Variants in PELI2 observed in about 807,000 individuals in gnomAD.
PELI2 encodes E3 ubiquitin-protein ligase pellino homolog 2.
PELI2 carries 23 observed loss-of-function variants against 42.3 expected under a neutral mutation model. The observed-to-expected ratio is 0.54, with a 90% CI of 0.39 to 0.77. The LOEUF is 0.77. PELI2 is among the 30% of genes least tolerant of loss of function. The probability of loss-of-function intolerance (pLI) is 0.00; values close to 1 mark genes in which losing one functional copy is unlikely to be tolerated. For synonymous variants in PELI2, 245 were observed against 212.2 expected, an observed-to-expected ratio of 1.15 and a Z score of -1.34; for missense variants, 463 against 553.2, an observed-to-expected ratio of 0.84 and a Z score of 1.64.
intron 1 of PELI2, among the ~76,000 whole-genome samples, chr14:56,149,183 C>G (rs1045679066): frequency 4.6e-5 from 7 of 152,176 alleles, no homozygotes; most frequent in Non-Finnish European, 1.0e-4. Context: ...ATAAAACATT[C>G]TAACCAGGGT....
intron 2 of PELI2, among the ~76,000 whole-genome samples, chr14:56,262,785 G>A (rs775357944): frequency 8.2e-5 from 12 of 146,486 alleles, no homozygotes; most frequent in Admixed American, 3.4e-4. Context: ...TGCTGTCACT[G>A]CATTGATTCT....
At chr14:56,131,165 C>T (rs188005534) in intron 1 of PELI2, among the ~76,000 whole-genome samples, 2 of 152,308 alleles carry the variant, frequency 1.3e-5, no homozygotes, top group Admixed American at 1.3e-4. Context: ...CTTGGTTTAG[C>T]TAATCCAAAA....
At chr14:56,278,340 G>C (rs766903133) in intron 2 of PELI2, among the ~76,000 whole-genome samples, 30 of 152,080 alleles carry the variant, frequency 2.0e-4, no homozygotes, top group Admixed American at 3.3e-4. Context: ...ATTGTGAAAT[G>C]ATTACCACAA....
At chr14:56,255,524 A>G (rs1204717905) in intron 2 of PELI2, among the ~76,000 whole-genome samples, 3 of 152,130 alleles carry the variant, frequency 2.0e-5, no homozygotes, top group African/African-American at 7.2e-5. Flanking sequence ...TAGGAGAAAT[A>G]CCTAATGTAG....
At chr14:56,161,605 G>A (rs548039973) in intron 1 of PELI2, among the ~76,000 whole-genome samples, 14 of 152,220 alleles carry the variant, frequency 9.2e-5, no homozygotes, top group Non-Finnish European at 2.1e-4. Context: ...TGACTATCTT[G>A]CCTACCTGGC....
At chr14:56,199,189 A>C (rs1254929709) in intron 2 of PELI2, among the ~76,000 whole-genome samples, 3 of 152,194 alleles carry the variant, frequency 2.0e-5, no homozygotes, top group African/African-American at 7.2e-5. Flanking sequence ...CTTGCTGCCC[A>C]AGGTCTTCCC....
At chr14:56,293,740 C>T (rs1371033462) in intron 5 of PELI2, among the ~76,000 whole-genome samples, 3 of 152,124 alleles carry the variant, frequency 2.0e-5, no homozygotes, top group African/African-American at 7.2e-5. Flanking sequence ...AGGTACTTTC[C>T]CTCCACAGGA....
At chr14:56,271,698 G>A (rs7146919) in intron 2 of PELI2, among the ~76,000 whole-genome samples, 2,330 of 152,294 alleles carry the variant, frequency 0.015, 63 homozygotes, top group African/African-American at 0.052. Context: ...GAACACAAGC[G>A]TACATTACGT....
intron 2 of PELI2, among the ~76,000 whole-genome samples, chr14:56,233,187 T>C (rs1017288648): frequency 1.3e-4 from 20 of 152,280 alleles, no homozygotes; most frequent in African/African-American, 4.6e-4. Flanking sequence ...CCCAAGGTAA[T>C]TTATAGATTC....
intron 2 of PELI2, among the ~76,000 whole-genome samples, chr14:56,192,404 T>C (rs1316447610): frequency 6.6e-6 from 1 of 152,150 alleles, no homozygotes; most frequent in Non-Finnish European, 1.5e-5. Context: ...CTCAGCACCA[T>C]TGGCAGTTTG....
intron 1 of PELI2, among the ~76,000 whole-genome samples, chr14:56,134,373 GTTTC>G (rs533822345): frequency 3.0e-4 from 46 of 152,024 alleles, no homozygotes; most frequent in African/African-American, 1.1e-3. Flanking sequence ...AGTTGCTCTG[GTTTC>G]TTATCTTTTC....
At chr14:56,227,146 G>A (rs1302846206) in intron 2 of PELI2, among the ~76,000 whole-genome samples, 1 of 152,196 alleles carries the variant, frequency 6.6e-6, no homozygotes, top group African/African-American at 2.4e-5. Flanking sequence ...CAACATTTCA[G>A]CCCAGAAGTC....
chr14:56,245,013 G>A (rs2139802328), intron 2 of PELI2, among the ~76,000 whole-genome samples: 1 of 152,254 alleles, frequency 6.6e-6, no homozygotes, highest in African/African-American at 2.4e-5. Context: ...CATAAATGTT[G>A]GGCATATGTA....
At chr14:56,183,584 A>G (rs774693947) in intron 2 of PELI2, among the ~76,000 whole-genome samples, 2 of 152,234 alleles carry the variant, frequency 1.3e-5, no homozygotes, top group African/African-American at 2.4e-5. Flanking sequence ...GTTGCAAAAC[A>G]TATATCTACT....
At chr14:56,157,979 G>C (rs937164073) in intron 1 of PELI2, among the ~76,000 whole-genome samples, 1 of 152,140 alleles carries the variant, frequency 6.6e-6, no homozygotes, top group East Asian at 1.9e-4. Flanking sequence ...TTAGATGATA[G>C]GGCCAATGTT....
intron 1 of PELI2, among the ~76,000 whole-genome samples, chr14:56,170,897 AAAAG>A (rs1282655130): frequency 6.6e-6 from 1 of 151,974 alleles, no homozygotes; most frequent in Non-Finnish European, 1.5e-5. Flanking sequence ...TCCAGAATAA[AAAAG>A]AAAGTTAAGC....
chr14:56,172,508 A>G (rs1885215700), intron 1 of PELI2, among the ~76,000 whole-genome samples: 1 of 152,228 alleles, frequency 6.6e-6, no homozygotes, highest in Admixed American at 6.5e-5. Context: ...TTAATCTGCC[A>G]CACTGGGTTC....
intron 1 of PELI2, among the ~76,000 whole-genome samples, chr14:56,139,100 T>C (rs1883801399): frequency 6.6e-6 from 1 of 152,198 alleles, no homozygotes; most frequent in Non-Finnish European, 1.5e-5. Flanking sequence ...CTTAATTATC[T>C]AACAATGTGC....
Position 56,301,446 on chromosome 14 carries a change from A to T in PELI2, c.*4280A>T, listed in dbSNP as rs951826219. 2 of 152,542 alleles carry T rather than the reference A, an allele frequency of 1.3e-5. No individual in the cohort carries two copies. The highest frequency in any genetic ancestry group is 2.9e-5 in the Non-Finnish European group (2 of 68,028). 9.4% of individuals were successfully genotyped at this position (152,542 alleles called of 1,614,324 possible). On this transcript the variant is annotated 3_prime_UTR_variant, in exon 6 of 6. Transcript: ENST00000267460. The stretch of plus-strand genomic sequence containing the variant: ...CTGTTGAGTTTATTAATTGTTTTAT[A>T]TTCTGCACAATACATATTTAAACCT...
Sources: allele counts gnomAD v4.1 joint callset (sites outside exome capture counted in the v4.1 genomes callset), GRCh38; gene constraint gnomAD v4.1.1; transcripts MANE v1.5; gene names NCBI Gene and HGNC (gene_info 2026-07-23, HGNC 2026-07-21).